TSPAN12: variants seen among roughly 807,000 people sequenced by gnomAD.
TSPAN12 encodes tetraspanin-12.
Under a neutral mutation model 39.2 loss-of-function variants are expected in TSPAN12, and 19 were observed. That is an observed-to-expected ratio of 0.49 (90% confidence interval 0.34 to 0.71). TSPAN12 has a LOEUF of 0.71. TSPAN12 is among the 30% of genes least tolerant of loss of function. The pLI is 0.01. For synonymous variants in TSPAN12, 119 were observed against 124.8 expected, an observed-to-expected ratio of 0.95 and a Z score of 0.31; for missense variants, 314 against 359.9, an observed-to-expected ratio of 0.87 and a Z score of 1.03.
At chr7:120,793,549 G>A (rs1488053269) in intron 7 of TSPAN12, among the ~76,000 whole-genome samples, 1 of 152,158 alleles carries the variant, frequency 6.6e-6, no homozygotes, top group Non-Finnish European at 1.5e-5. Context: ...AAAGCATACA[G>A]GTAACTCCTC....
intron 5 of TSPAN12, among the ~76,000 whole-genome samples, chr7:120,811,976 G>A (rs1190633871): frequency 2.6e-5 from 4 of 152,132 alleles, no homozygotes; most frequent in South Asian, 4.2e-4. Flanking sequence ...ATGGATGCAC[G>A]AAAATCTCAG....
At chr7:120,814,438 T>C (rs766497523) in intron 5 of TSPAN12, among the ~76,000 whole-genome samples, 7 of 152,176 alleles carry the variant, frequency 4.6e-5, no homozygotes, top group Non-Finnish European at 1.0e-4. Flanking sequence ...AGAATCATCC[T>C]GGGTGGCTCC....
chr7:120,856,785 G>A lies in TSPAN12; in HGVS notation c.-22C>T. 7 of 1,613,908 alleles carry A rather than the reference G, an allele frequency of 4.3e-6. No individual in the cohort carries two copies. Among genetic ancestry groups the A allele is most frequent in the Non-Finnish European group, 5.9e-6 (7 of 1,179,836 alleles). On this transcript the variant is annotated 5_prime_UTR_variant, in exon 2 of 8. Coordinates refer to ENST00000222747, the MANE Select transcript of TSPAN12 (RefSeq NM_012338.4). ...CCATTGTGAGCCCCGTAAGGGAGAA[G>A]CCCCATCCTTTCACCACATCCTACT...
intron 7 of TSPAN12, among the ~76,000 whole-genome samples, chr7:120,797,613 A>T (rs1478684044): frequency 6.6e-6 from 1 of 152,198 alleles, no homozygotes; most frequent in South Asian, 2.1e-4. Flanking sequence ...AAGAACCTTA[A>T]ATCCAGTATT....
At chr7:120,822,803 A>G (rs1376663035) in intron 4 of TSPAN12, among the ~76,000 whole-genome samples, 1 of 152,148 alleles carries the variant, frequency 6.6e-6, no homozygotes, top group African/African-American at 2.4e-5. Flanking sequence ...ACACTAAAAT[A>G]GAGAGTCAGG....
chr7:120,857,142 G>A (rs374245596), intron 1 of TSPAN12: 4 of 363,926 alleles, frequency 1.1e-5, no homozygotes, highest in Non-Finnish European at 1.6e-5. Flanking sequence ...CTGATGAGAC[G>A]CTCTTGAAAA....
chr7:120,842,508 C>T (rs893730801), intron 2 of TSPAN12, among the ~76,000 whole-genome samples: 4 of 150,576 alleles, frequency 2.7e-5, no homozygotes, highest in Non-Finnish European at 2.9e-5. Context: ...TGCTGAAGGT[C>T]TCTCAGATCC....
chr7:120,854,230 G>A (rs1258467315), intron 2 of TSPAN12, among the ~76,000 whole-genome samples: 1 of 152,066 alleles, frequency 6.6e-6, no homozygotes, highest in East Asian at 1.9e-4. Context: ...TTATTTCTAG[G>A]GAACAGATAC....
intron 7 of TSPAN12, among the ~76,000 whole-genome samples, chr7:120,798,049 T>G (rs1439809372): frequency 1.3e-5 from 2 of 152,198 alleles, no homozygotes; most frequent in Admixed American, 1.3e-4. Flanking sequence ...AGGGCAAAAT[T>G]TGCAAGTCTC....
chr7:120,829,167 T>C (rs1794343948), intron 4 of TSPAN12, among the ~76,000 whole-genome samples: 1 of 152,188 alleles, frequency 6.6e-6, no homozygotes, highest in Non-Finnish European at 1.5e-5. Context: ...ATTTAAGTTA[T>C]TGTTTCTGTC....
chr7:120,847,869 C>T (rs1228645837), intron 2 of TSPAN12, among the ~76,000 whole-genome samples: 1 of 152,150 alleles, frequency 6.6e-6, no homozygotes, highest in Non-Finnish European at 1.5e-5. Flanking sequence ...CCATTTATTT[C>T]GTCTTCCCTC....
intron 5 of TSPAN12, among the ~76,000 whole-genome samples, chr7:120,813,840 C>T (rs1054680625): frequency 1.3e-5 from 2 of 152,158 alleles, no homozygotes; most frequent in Non-Finnish European, 2.9e-5. Context: ...TTATCACTCC[C>T]CTAATAAAGT....
chr7:120,797,747 A>T (rs1395589313), intron 7 of TSPAN12, among the ~76,000 whole-genome samples: 1 of 152,204 alleles, frequency 6.6e-6, no homozygotes, highest in Non-Finnish European at 1.5e-5. Context: ...CAGCCAATTT[A>T]TAACCCAGTC....
At chr7:120,845,233 A>G (rs992674844) in intron 2 of TSPAN12, among the ~76,000 whole-genome samples, 6 of 152,098 alleles carry the variant, frequency 3.9e-5, no homozygotes, top group African/African-American at 1.4e-4. Context: ...CTTTCCTCCT[A>G]GGCTTTCGGG....
intron 7 of TSPAN12, among the ~76,000 whole-genome samples, chr7:120,795,024 T>C (rs1793604658): frequency 6.6e-6 from 1 of 152,234 alleles, no homozygotes; most frequent in Non-Finnish European, 1.5e-5. Context: ...GATGTGTTTA[T>C]ATGTATTTAT....
At chr7:120,833,324 G>A (rs375095717) in intron 4 of TSPAN12, among the ~76,000 whole-genome samples, 1 of 151,694 alleles carries the variant, frequency 6.6e-6, no homozygotes, top group Admixed American at 6.6e-5. Flanking sequence ...GTAAGAGAAG[G>A]CCTTAAACAG....
intron 4 of TSPAN12, among the ~76,000 whole-genome samples, chr7:120,836,229 T>TG (rs1251042115): frequency 6.6e-6 from 1 of 152,042 alleles, no homozygotes; most frequent in Non-Finnish European, 1.5e-5. Flanking sequence ...AGATGCAAAT[T>TG]GGTTGTGAGT....
In TSPAN12 at chr7:120,788,392, G is replaced by T; in HGVS notation, c.*200C>A. On this transcript the variant is annotated 3_prime_UTR_variant, in exon 8 of 8. Coordinates refer to ENST00000222747, the MANE Select transcript of TSPAN12 (RefSeq NM_012338.4). ...ATGACATCTGTCTTCAGCATTTTAAGGGCATCAATTATTGTCCAGGTGGTG... is the reference window on the plus strand; with the variant it reads ...ATGACATCTGTCTTCAGCATTTTAATGGCATCAATTATTGTCCAGGTGGTG... 1 of 623,936 alleles carries T rather than the reference G, an allele frequency of 1.6e-6. No individual in the cohort carries two copies. Among genetic ancestry groups the T allele is most frequent in the East Asian group, 2.9e-5 (1 of 34,702 alleles). The allele number at this position is 623,936 out of a possible 1,614,324, so 38.6% of individuals were successfully genotyped here.
At chr7:120,801,084 C>T (rs1244515152) in intron 7 of TSPAN12, among the ~76,000 whole-genome samples, 1 of 152,176 alleles carries the variant, frequency 6.6e-6, no homozygotes, top group African/African-American at 2.4e-5. Flanking sequence ...CTGTAACCGG[C>T]TCCTTATCTT....
Sources: allele counts gnomAD v4.1 joint callset (sites outside exome capture counted in the v4.1 genomes callset), GRCh38; gene constraint gnomAD v4.1.1; transcripts MANE v1.5; gene names NCBI Gene and HGNC (gene_info 2026-07-23, HGNC 2026-07-21).